NEIL3: variants seen among roughly 807,000 people sequenced by gnomAD.
NEIL3 encodes endonuclease 8-like 3.
Under a neutral mutation model 57.5 loss-of-function variants are expected in NEIL3, and 48 were observed. That is an observed-to-expected ratio of 0.83 (90% CI 0.66 to 1.06). NEIL3 has a LOEUF of 1.06. Ranked by LOEUF, NEIL3 falls within the 50% of genes least tolerant of loss-of-function variation. NEIL3 has a pLI of 0.00. For synonymous variants in NEIL3, 261 were observed against 253.2 expected, an observed-to-expected ratio of 1.03 and a Z score of -0.29; for missense variants, 717 against 739.1, an observed-to-expected ratio of 0.97 and a Z score of 0.35.
At chr4:177,326,610 T>C (rs899300423) in intron 2 of NEIL3, among the ~76,000 whole-genome samples, 3 of 152,164 alleles carry the variant, frequency 2.0e-5, no homozygotes, top group African/African-American at 7.2e-5. Flanking sequence ...GGCATTTTGA[T>C]TGGCCTTGTG....
chr4:177,362,484 C>A lies in NEIL3; in HGVS notation c.*13C>A. 1 of 1,595,228 alleles carries A rather than the reference C, an allele frequency of 6.3e-7. No individual in the cohort carries two copies. The highest frequency in any genetic ancestry group is 1.1e-5 in the South Asian group (1 of 88,496). Reference sequence around the variant, plus strand: ...TCCTGGATGCTAATATCTGTAGATTCTCTGGCATTTAGTCTCTTCAAACTG... The same window carrying A: ...TCCTGGATGCTAATATCTGTAGATTATCTGGCATTTAGTCTCTTCAAACTG... On this transcript the variant is annotated 3_prime_UTR_variant, in exon 10 of 10. Coordinates refer to ENST00000264596, the MANE Select transcript of NEIL3 (RefSeq NM_018248.3).
intron 4 of NEIL3, among the ~76,000 whole-genome samples, chr4:177,339,481 G>A (rs1359016560): frequency 6.6e-6 from 1 of 151,950 alleles, no homozygotes; most frequent in African/African-American, 2.4e-5. Flanking sequence ...AATATCATAA[G>A]GATTATATTT....
the NEIL3 span, among the ~76,000 whole-genome samples, chr4:177,370,125 G>A: frequency 1.3e-5 from 2 of 152,164 alleles, no homozygotes; most frequent in East Asian, 1.9e-4. Context: ...ATGCTGGGGT[G>A]AGTATTATGG....
rs1328543867 is a variant in NEIL3, at chr4:177,310,063, G to A, written c.110G>A (p.Gly37Asp). Residue 37 changes from glycine to aspartate, a missense_variant, in exon 1 of 10, where the codon GGC becomes GAC. Physicochemically the swap from Gly to Asp is moderately conservative, Grantham distance 94 (BLOSUM62 -1). Coordinates refer to ENST00000264596, the MANE Select transcript of NEIL3 (RefSeq NM_018248.3). Reference protein sequence around the residue: ...VRGSALRSLQGRALRLAASTV... With the variant: ...VRGSALRSLQDRALRLAASTV... ...GGAAGCGCTCTGCGGAGTCTGCAGG[G>A]CCGCGCCTTGCGGCTCGCAGCCTCC... 1 of 1,601,202 alleles carries A rather than the reference G, an allele frequency of 6.2e-7. No individual in the cohort carries two copies. Among genetic ancestry groups the A allele is most frequent in the African/African-American group, 1.3e-5 (1 of 74,342 alleles).
chr4:177,363,659 T>C (rs907867980), downstream of NEIL3, among the ~76,000 whole-genome samples: 6 of 152,236 alleles, frequency 3.9e-5, no homozygotes, highest in South Asian at 2.1e-4. Context: ...AAAATGTGCA[T>C]GTTAATTACA....
At chr4:177,316,982 C>T (rs977013780) in intron 1 of NEIL3, among the ~76,000 whole-genome samples, 3 of 152,006 alleles carry the variant, frequency 2.0e-5, no homozygotes, top group Non-Finnish European at 2.9e-5. Context: ...CAAATACCAT[C>T]GGGTATTAAA....
At chr4:177,336,660 A>G (rs1478128489) in intron 4 of NEIL3, among the ~76,000 whole-genome samples, 4 of 152,218 alleles carry the variant, frequency 2.6e-5, no homozygotes, top group Admixed American at 1.3e-4. Context: ...TTCTGCTAGA[A>G]CACAGTCTCA....
At chr4:177,339,039 A>G (rs1366180467) in intron 4 of NEIL3, among the ~76,000 whole-genome samples, 1 of 152,204 alleles carries the variant, frequency 6.6e-6, no homozygotes, top group African/African-American at 2.4e-5. Flanking sequence ...TGTTAATGGT[A>G]CTAAATAGAT....
chr4:177,325,496 A>AT (rs1419316027), intron 2 of NEIL3, among the ~76,000 whole-genome samples: 1 of 152,108 alleles, frequency 6.6e-6, no homozygotes, highest in Non-Finnish European at 1.5e-5. Flanking sequence ...TGTGAATAAA[A>AT]TTGCTATGAA....
rs1734767459 is a variant in NEIL3, at chr4:177,325,705, C to G, written c.278+3125C>G. Among the ~76,000 whole-genome samples, 3 of 152,088 alleles carry G rather than the reference C, an allele frequency of 2.0e-5. No homozygotes were observed. The South Asian group carries it at 6.2e-4, about 32-fold the overall frequency. On this transcript the variant is annotated intron_variant, in intron 2 of 9. Coordinates refer to ENST00000264596, the MANE Select transcript of NEIL3 (RefSeq NM_018248.3). ...TATGAGAATTTCAGTTACTCAGCAT[C>G]TTTGCCAGCACCTGGTATTGTCAGT... is the stretch of plus-strand genomic sequence containing the variant.
chr4:177,322,687 G>GTT, intron 2 of NEIL3, 107 bp downstream of exon 2: 1 of 1,283,338 alleles, frequency 7.8e-7, no homozygotes, highest in Non-Finnish European at 1.1e-6. Context: ...GAAGTACTGT[G>GTT]TTTTTAAGAG....
At chr4:177,326,434 TCACCAATAATA>T (rs939040767) in intron 2 of NEIL3, among the ~76,000 whole-genome samples, 6 of 152,224 alleles carry the variant, frequency 3.9e-5, no homozygotes, top group Non-Finnish European at 7.3e-5. Flanking sequence ...GTCTGTCCTT[TCACCAATAATA>T]CACTGTCTTA....
At chr4:177,349,246 T>C (rs1255128363) in intron 6 of NEIL3, among the ~76,000 whole-genome samples, 5 of 152,056 alleles carry the variant, frequency 3.3e-5, no homozygotes, top group African/African-American at 1.2e-4. Flanking sequence ...ATCATGACCT[T>C]GGTAGCTTAA....
At chr4:177,319,522 G>A (rs1734634081) in intron 1 of NEIL3, among the ~76,000 whole-genome samples, 1 of 152,022 alleles carries the variant, frequency 6.6e-6, no homozygotes, top group Admixed American at 6.6e-5. Flanking sequence ...AAGTTCTTTA[G>A]TGGTGATTTC....
intron 8 of NEIL3, among the ~76,000 whole-genome samples, chr4:177,355,290 G>A (rs1014776809): frequency 2.0e-5 from 3 of 152,000 alleles, no homozygotes; most frequent in African/African-American, 4.8e-5. Context: ...GTCATCCCTC[G>A]GTATCCTCAA....
downstream of NEIL3, among the ~76,000 whole-genome samples, chr4:177,367,037 GT>G (rs939319241): frequency 3.9e-5 from 6 of 152,030 alleles, no homozygotes; most frequent in African/African-American, 1.4e-4. Flanking sequence ...AGATGTTCTA[GT>G]TTTTTCCCCT....
At chr4:177,358,377 A>G (rs956593216) in intron 8 of NEIL3, among the ~76,000 whole-genome samples, 1 of 151,996 alleles carries the variant, frequency 6.6e-6, no homozygotes, top group Non-Finnish European at 1.5e-5. Context: ...GCGCGATCTC[A>G]GCTCACTGCA....
intron 6 of NEIL3, among the ~76,000 whole-genome samples, chr4:177,342,367 AGTAGAAAGCAGCTGC>A: frequency 1.3e-5 from 2 of 152,262 alleles, no homozygotes; most frequent in African/African-American, 2.4e-5. Flanking sequence ...AAGATTATGC[AGTAGAAAGCAGCTGC>A]ATAGCAGTAT....
chr4:177,333,719 GAC>G (rs1214989737), intron 2 of NEIL3, among the ~76,000 whole-genome samples: 1 of 152,134 alleles, frequency 6.6e-6, no homozygotes, highest in African/African-American at 2.4e-5. Context: ...CATTCCCATA[GAC>G]AGCTCTCATA....
Sources: allele counts gnomAD v4.1 joint callset (sites outside exome capture counted in the v4.1 genomes callset), GRCh38; gene constraint gnomAD v4.1.1; transcripts MANE v1.5; gene names NCBI Gene and HGNC (gene_info 2026-07-23, HGNC 2026-07-21).